NRP1: variants seen among roughly 807,000 people sequenced by gnomAD.
The protein encoded by NRP1 is neuropilin-1.
A neutral mutation model predicts 106.7 loss-of-function variants in NRP1; 35 were observed. That is an observed-to-expected ratio of 0.33 (90% CI 0.25 to 0.43). NRP1 has a LOEUF of 0.43. NRP1 is among the 20% of genes least tolerant of loss of function. The probability of loss-of-function intolerance (pLI) is 1.00; values close to 1 mark genes in which losing one functional copy is unlikely to be tolerated. For missense variants in NRP1, 1,024 were observed against 1,170.4 expected (o/e 0.87, Z 1.83); for synonymous variants, 437 against 417.9 (o/e 1.05, Z -0.56).
Position 33,179,996 on chromosome 10 carries a change from A to G in NRP1, c.*80T>C. On this transcript the variant is annotated 3_prime_UTR_variant, in exon 17 of 17. Coordinates refer to ENST00000374867, the MANE Select transcript of NRP1 (RefSeq NM_003873.7). Reference sequence around the variant, plus strand: ...CATCAACACACTTCCCAGCCTGTATAGTGAAAGATCAACAGCTCCCCAGCT... The same window carrying G: ...CATCAACACACTTCCCAGCCTGTATGGTGAAAGATCAACAGCTCCCCAGCT... 2.8e-6 allele frequency: 4 copies of G among 1,434,220 alleles called. No individual in the cohort carries two copies. The South Asian group carries it at 5.1e-5, about 18-fold the overall frequency. The allele number at this position is 1,434,220 out of a possible 1,614,324, so 88.8% of individuals were successfully genotyped here. A position where few individuals can be genotyped will look rare whatever the true frequency, so the allele number is the denominator to read the frequency against.
chr10:33,246,274 T>C (rs1201826067), intron 6 of NRP1, among the ~76,000 whole-genome samples: 1 of 151,968 alleles, frequency 6.6e-6, no homozygotes, highest in Non-Finnish European at 1.5e-5. Flanking sequence ...CATCTCTACC[T>C]ACATATTCCC....
intron 2 of NRP1, among the ~76,000 whole-genome samples, chr10:33,300,577 C>T (rs1398903618): frequency 6.6e-6 from 1 of 152,138 alleles, no homozygotes; most frequent in South Asian, 2.1e-4. Context: ...TCTTGGGGCG[C>T]CCAAATCACT....
At chr10:33,232,470 G>C (rs72790215) in intron 6 of NRP1, among the ~76,000 whole-genome samples, 24,106 of 151,904 alleles carry the variant, frequency 0.16, 2,113 homozygotes, top group Middle Eastern at 0.29. Flanking sequence ...GATGGCGGTG[G>C]GCAGGGATGG....
At chr10:33,278,198 A>G (rs1843853180) in intron 2 of NRP1, among the ~76,000 whole-genome samples, 1 of 152,014 alleles carries the variant, frequency 6.6e-6, no homozygotes, top group Non-Finnish European at 1.5e-5. Context: ...TCATTTGGGT[A>G]GGAGAGTGAT....
chr10:33,179,942 A>C lies in NRP1; in HGVS notation c.*134T>G, dbSNP rs1835574937. 1.2e-6 allele frequency: 1 copy of C among 852,590 alleles called. No individual in the cohort carries two copies. Among genetic ancestry groups the C allele is most frequent in the Non-Finnish European group, 1.9e-6 (1 of 533,930 alleles). 52.8% of individuals were successfully genotyped at this position (852,590 alleles called of 1,614,324 possible). A position where few individuals can be genotyped will look rare whatever the true frequency, so the allele number is the denominator to read the frequency against. On this transcript the variant is annotated 3_prime_UTR_variant, in exon 17 of 17. Transcript: ENST00000374867. The stretch of plus-strand genomic sequence containing the variant: ...CATGTCTGTCGGCCATACTCATTGA[A>C]GCTCCTGAGAAAAGCCTGGCTCAGT...
At chr10:33,253,415 A>G (rs1307638018) in intron 6 of NRP1, among the ~76,000 whole-genome samples, 1 of 152,210 alleles carries the variant, frequency 6.6e-6, no homozygotes, top group Non-Finnish European at 1.5e-5. Flanking sequence ...AGGTAGCATC[A>G]CTAATGAAGA....
intron 2 of NRP1, among the ~76,000 whole-genome samples, chr10:33,274,961 G>A (rs1430832936): frequency 6.6e-5 from 10 of 152,130 alleles, no homozygotes; most frequent in Non-Finnish European, 1.3e-4. Context: ...ACCTGTAAAC[G>A]ATCGCTGTGC....
intron 13 of NRP1, 137 bp from the exon 14 acceptor site, chr10:33,186,625 T>G: frequency 9.8e-7 from 1 of 1,015,486 alleles, no homozygotes; most frequent in Admixed American, 2.7e-5. Flanking sequence ...AAGGGATAAG[T>G]GTGCACACTT....
chr10:33,330,637 C>T (rs1227291347), intron 2 of NRP1, 71 bp downstream of exon 2: 1 of 1,373,966 alleles, frequency 7.3e-7, no homozygotes, highest in South Asian at 1.5e-5. Flanking sequence ...TACACACCGA[C>T]TTCCCCCCCG....
chr10:33,188,773 TG>T (rs2132610819), intron 13 of NRP1, among the ~76,000 whole-genome samples: 1 of 151,184 alleles, frequency 6.6e-6, no homozygotes, highest in East Asian at 2.0e-4. Flanking sequence ...CCTACATAGC[TG>T]TAGTCCTAAG....
At chr10:33,233,151 C>A (rs1252089205) in intron 6 of NRP1, among the ~76,000 whole-genome samples, 1 of 152,072 alleles carries the variant, frequency 6.6e-6, no homozygotes, top group African/African-American at 2.4e-5. Flanking sequence ...AAACCCCAAG[C>A]CTTTCCTTCT....
chr10:33,280,403 T>A (rs1161582906), intron 2 of NRP1, among the ~76,000 whole-genome samples: 1 of 152,192 alleles, frequency 6.6e-6, no homozygotes, highest in Non-Finnish European at 1.5e-5. Context: ...ATGCCTTTAA[T>A]TACAATAAAC....
Position 33,216,819 on chromosome 10 carries a change from C to T in NRP1, c.1283-3102G>A, listed in dbSNP as rs1030388063. 7.9e-5 allele frequency among the ~76,000 whole-genome samples: 12 copies of T among 152,126 alleles called. No individual in the cohort carries two copies. In the East Asian group the frequency reaches 1.7e-3, roughly 22 times the overall value. On this transcript the variant is annotated intron_variant, in intron 8 of 16. Transcript: ENST00000374867. Reference sequence around the variant, plus strand: ...CCAGATTTTAACTTCTTTGAGGACACGAACTAAGTCATATTTTTCTGTTTT... The same window carrying T: ...CCAGATTTTAACTTCTTTGAGGACATGAACTAAGTCATATTTTTCTGTTTT...
chr10:33,324,082 G>A (rs558095248), intron 2 of NRP1, among the ~76,000 whole-genome samples: 11 of 152,114 alleles, frequency 7.2e-5, no homozygotes, highest in East Asian at 5.8e-4. Flanking sequence ...AAACAACCTC[G>A]TAATACTCAA....
chr10:33,266,239 T>C (rs926870692), intron 3 of NRP1, among the ~76,000 whole-genome samples: 4 of 152,236 alleles, frequency 2.6e-5, no homozygotes, highest in African/African-American at 9.6e-5. Context: ...ACTTTGCCCT[T>C]GTCATGCTAT....
chr10:33,287,538 C>T (rs1057230984), intron 2 of NRP1, among the ~76,000 whole-genome samples: 23 of 152,194 alleles, frequency 1.5e-4, no homozygotes, highest in Non-Finnish European at 5.9e-5. Context: ...ATTTTAGAAG[C>T]TTGGAGAGAA....
intron 2 of NRP1, among the ~76,000 whole-genome samples, chr10:33,298,910 T>C (rs1307451212): frequency 6.6e-6 from 1 of 152,150 alleles, no homozygotes; most frequent in African/African-American, 2.4e-5. Context: ...CTAATCAAAA[T>C]ACTCTCACCA....
rs569952285 is a variant in NRP1 at position 33,207,611 on chromosome 10, G to A, written c.1720C>T (p.Leu574=). The A allele has an allele frequency of 6.2e-7, 1 of 1,614,206 alleles. No individual in the cohort carries two copies. The highest frequency in any genetic ancestry group is 8.5e-7 in the Non-Finnish European group (1 of 1,180,018). Residue 574 remains leucine, a synonymous_variant, in exon 10 of 17, where the codon CTG becomes TTG. Coordinates refer to ENST00000374867, the MANE Select transcript of NRP1 (RefSeq NM_003873.7). ...IYPERATHGG[L]GLRMELLGCE... ...CCCAGCAGCTCCATTCTGAGCCCCA[G>A]TCCGCCATGAGTGGCTCTCTCGGGG...
At chr10:33,205,360 A>T (rs1348145409) in intron 10 of NRP1, 2 of 152,192 alleles carry the variant, frequency 1.3e-5, no homozygotes, top group Admixed American at 1.3e-4. Context: ...CACTACAGAG[A>T]TGACACTAGA....
Sources: allele counts gnomAD v4.1 joint callset (sites outside exome capture counted in the v4.1 genomes callset), GRCh38; gene constraint gnomAD v4.1.1; transcripts MANE v1.5; gene names NCBI Gene and HGNC (gene_info 2026-07-23, HGNC 2026-07-21).